RBFOX1: variants seen among roughly 807,000 people sequenced by gnomAD.
RBFOX1 encodes the protein RNA binding protein fox-1 homolog 1.
Under a neutral mutation model 57.7 loss-of-function variants are expected in RBFOX1, and 8 were observed. The ratio of observed to expected loss-of-function variants is 0.14; its 90% CI spans 0.08 to 0.25. The LOEUF (loss-of-function observed/expected upper bound fraction) is 0.25. Among genes scored for constraint, RBFOX1 ranks in the 10% least tolerant of loss-of-function variants. RBFOX1 has a pLI of 1.00. For missense variants in RBFOX1, 611 were observed against 548.5 expected (o/e 1.11, Z -1.14); for synonymous variants, 326 against 222.4 (o/e 1.47, Z -4.15).
chr16:7,203,600 G>A (rs568866088), intron 4 of RBFOX1, among the ~76,000 whole-genome samples: 1 of 152,314 alleles, frequency 6.6e-6, no homozygotes, highest in Admixed American at 6.5e-5. Context: ...CCGTGCCCAG[G>A]ATTGCAGTGA....
chr16:5,580,625 T>G (rs982166073), intron 2 of RBFOX1, among the ~76,000 whole-genome samples: 1 of 152,176 alleles, frequency 6.6e-6, no homozygotes, highest in Non-Finnish European at 1.5e-5. Flanking sequence ...ATCTGCTTTG[T>G]GTGGGTTTTG....
intron 3 of RBFOX1, among the ~76,000 whole-genome samples, chr16:5,691,105 G>A (rs1968115): frequency 0.026 from 3,933 of 152,210 alleles, 147 homozygotes; most frequent in East Asian, 0.16. Context: ...CTGTCCAATA[G>A]GTCTAATTAT....
intron 1 of RBFOX1, among the ~76,000 whole-genome samples, chr16:6,084,911 A>G (rs1039090472): frequency 3.3e-5 from 5 of 152,182 alleles, no homozygotes; most frequent in African/African-American, 9.7e-5. Context: ...CTGAGATGAT[A>G]TCTCAGTTTC....
intron 4 of RBFOX1, among the ~76,000 whole-genome samples, chr16:5,907,651 A>G (rs764628192): frequency 8.5e-5 from 13 of 152,086 alleles, no homozygotes; most frequent in Non-Finnish European, 1.6e-4. Context: ...CTGACGATGC[A>G]TGTGGGGAAG....
At chr16:7,162,872 G>A (rs913279953) in intron 4 of RBFOX1, among the ~76,000 whole-genome samples, 2 of 152,112 alleles carry the variant, frequency 1.3e-5, no homozygotes, top group African/African-American at 4.8e-5. Context: ...AGCAGTGTGG[G>A]GTATTCCCTG....
chr16:6,303,684 A>G (rs2079093601), intron 1 of RBFOX1, among the ~76,000 whole-genome samples: 2 of 151,628 alleles, frequency 1.3e-5, no homozygotes, highest in African/African-American at 2.4e-5. Flanking sequence ...AAAGGAAAAG[A>G]TGATTAATGG....
intron 3 of RBFOX1, among the ~76,000 whole-genome samples, chr16:6,814,581 G>T (rs537396994): frequency 9.3e-4 from 142 of 152,250 alleles, no homozygotes; most frequent in Non-Finnish European, 1.8e-3. Context: ...CATGATAGAT[G>T]CGAATCACAG....
chr16:6,938,919 G>A (rs1477843366), intron 3 of RBFOX1, among the ~76,000 whole-genome samples: 2 of 152,148 alleles, frequency 1.3e-5, no homozygotes, highest in East Asian at 1.9e-4. Flanking sequence ...GTGACATAGT[G>A]AGAGTCCATC....
intron 1 of RBFOX1, chr16:5,270,429 T>C (rs932793936): frequency 5.8e-6 from 6 of 1,027,650 alleles, no homozygotes; most frequent in Non-Finnish European, 9.1e-6. Context: ...AAATTCAAGC[T>C]GATTACTGAA....
At chr16:6,503,103 A>G (rs2095986069) in intron 2 of RBFOX1, among the ~76,000 whole-genome samples, 1 of 152,224 alleles carries the variant, frequency 6.6e-6, no homozygotes, top group Non-Finnish European at 1.5e-5. Flanking sequence ...GACCTAAGAA[A>G]CTATGAAGAG....
At chr16:6,310,734 A>G (rs753206174) in intron 1 of RBFOX1, among the ~76,000 whole-genome samples, 1 of 152,152 alleles carries the variant, frequency 6.6e-6, no homozygotes, top group Admixed American at 6.5e-5. Context: ...AGGTGCTGCC[A>G]CTCCAATAGA....
intron 4 of RBFOX1, among the ~76,000 whole-genome samples, chr16:7,113,970 C>A (rs758145613): frequency 6.6e-6 from 1 of 152,032 alleles, no homozygotes; most frequent in African/African-American, 2.4e-5. Context: ...ATCACTTGTG[C>A]CTTTTGCATC....
At chr16:5,787,486 A>G (rs1199629820) in intron 3 of RBFOX1, among the ~76,000 whole-genome samples, 1 of 152,228 alleles carries the variant, frequency 6.6e-6, no homozygotes, top group Admixed American at 6.5e-5. Context: ...ATGCTTAGCC[A>G]TGAGGGGATG....
At chr16:6,561,644 C>G (rs1313698246) in intron 2 of RBFOX1, among the ~76,000 whole-genome samples, 1 of 152,166 alleles carries the variant, frequency 6.6e-6, no homozygotes, top group Non-Finnish European at 1.5e-5. Context: ...TCCTGCTATT[C>G]TTTTCCTTTC....
intron 3 of RBFOX1, among the ~76,000 whole-genome samples, chr16:7,034,979 C>G (rs984263081): frequency 2.0e-5 from 3 of 150,396 alleles, no homozygotes; most frequent in Non-Finnish European, 4.4e-5. Context: ...CTCTGAGTAG[C>G]TGGGCCTACA....
intron 4 of RBFOX1, among the ~76,000 whole-genome samples, chr16:7,093,347 G>C (rs1162187819): frequency 6.6e-6 from 1 of 152,184 alleles, no homozygotes; most frequent in Non-Finnish European, 1.5e-5. Flanking sequence ...AGATAGTTCA[G>C]AGCCCTGAAT....
In RBFOX1 at chr16:6,195,250, C is replaced by T. The variant is rs537813372; in HGVS notation, c.-126-121745C>T. On this transcript the variant is annotated intron_variant, in intron 1 of 15. Coordinates refer to ENST00000550418, the MANE Select transcript of RBFOX1 (RefSeq NM_018723.4). Reference sequence around the variant, plus strand: ...CTTTCATCTTGGCAATGTTTAGAGTCCGCCATCTTGCCTTGTAAGCCAGTC... The same window carrying T: ...CTTTCATCTTGGCAATGTTTAGAGTTCGCCATCTTGCCTTGTAAGCCAGTC... 1.7e-3 allele frequency among the ~76,000 whole-genome samples: 258 copies of T among 152,286 alleles called. 1 individual carries two copies. The highest frequency in any genetic ancestry group is 2.2e-3 in the Non-Finnish European group (152 of 68,010).
chr16:6,827,364 T>C (rs892513884), intron 3 of RBFOX1, among the ~76,000 whole-genome samples: 4 of 152,134 alleles, frequency 2.6e-5, no homozygotes, highest in African/African-American at 9.7e-5. Context: ...GAAGATGTGT[T>C]GTGTGCCTTA....
At chr16:5,714,092 G>C (rs1167233183) in intron 3 of RBFOX1, among the ~76,000 whole-genome samples, 4 of 152,178 alleles carry the variant, frequency 2.6e-5, no homozygotes, top group African/African-American at 9.7e-5. Flanking sequence ...AGTTCTCTTT[G>C]CACAGAAGAG....
Sources: allele counts gnomAD v4.1 joint callset (sites outside exome capture counted in the v4.1 genomes callset), GRCh38; gene constraint gnomAD v4.1.1; transcripts MANE v1.5; gene names NCBI Gene and HGNC (gene_info 2026-07-23, HGNC 2026-07-21).